FAM149A: variants seen among roughly 807,000 people sequenced by gnomAD.
FAM149A encodes family with sequence similarity 149 member A, also known as protein FAM149A.
FAM149A carries 71 observed loss-of-function variants against 78.2 expected under a neutral mutation model. The ratio of observed to expected loss-of-function variants is 0.91; its 90% CI spans 0.75 to 1.11. The LOEUF is 1.11. Among genes scored for constraint, FAM149A ranks in the 50% least tolerant of loss-of-function variants. FAM149A has a pLI of 0.00. For synonymous variants in FAM149A, 446 were observed against 410.5 expected (o/e 1.09, Z -1.04); for missense variants, 1,036 against 971.0 (o/e 1.07, Z -0.89).
At chr4:186,152,166 G>A in intron 4 of FAM149A, 121 bp downstream of exon 4, 3 of 889,632 alleles carry the variant, frequency 3.4e-6, no homozygotes, top group Non-Finnish European at 5.3e-6. Flanking sequence ...TATGGATGCA[G>A]AGCGCAGTCC....
chr4:186,160,996 T>C, intron 8 of FAM149A: 1 of 447,546 alleles, frequency 2.2e-6, no homozygotes, highest in Non-Finnish European at 3.0e-6. Context: ...TTGTGTAGTG[T>C]CTGGTGTAGA....
In FAM149A at chr4:186,153,638, C is replaced by G; in HGVS notation, c.933-7C>G. The G allele has an allele frequency of 6.2e-7, 1 of 1,608,946 alleles. No individual in the cohort carries two copies. The highest frequency in any genetic ancestry group is 8.5e-7 in the Non-Finnish European group (1 of 1,176,170). Reference sequence around the variant, plus strand: ...AAAATGTCAGTAGCTTCTCTTTGACCTCGCAGAGTATTAGGAAGACAGCTG... The same window carrying G: ...AAAATGTCAGTAGCTTCTCTTTGACGTCGCAGAGTATTAGGAAGACAGCTG... On this transcript the variant is annotated splice_region_variant and splice_polypyrimidine_tract_variant and intron_variant, in intron 4 of 13. Coordinates refer to ENST00000389354, the MANE Select transcript of FAM149A (RefSeq NM_001367768.3).
rs1284197361 is a variant in FAM149A at position 186,173,415 on chromosome 4, C to T, written c.*1428C>T. On this transcript the variant is annotated 3_prime_UTR_variant, in exon 14 of 14. Coordinates refer to ENST00000389354, the MANE Select transcript of FAM149A (RefSeq NM_001367768.3). ...TGGCCCCGGCTGGAGTGCAGTGGCACGATCTCGGCTCACTACAACCTCCAC... is the reference window on the plus strand; with the variant it reads ...TGGCCCCGGCTGGAGTGCAGTGGCATGATCTCGGCTCACTACAACCTCCAC... 9.0e-6 allele frequency among the ~76,000 whole-genome samples: 1 copy of T among 111,060 alleles called. No individual in the cohort carries two copies. Among genetic ancestry groups the T allele is most frequent in the East Asian group, 2.2e-4 (1 of 4,470 alleles). The allele number at this position is 111,060 out of a possible 152,430, so 72.9% of individuals were successfully genotyped here. A position where few individuals can be genotyped will look rare whatever the true frequency, so the allele number is the denominator to read the frequency against.
In FAM149A at chr4:186,133,522, A is replaced by G. The variant is rs988676548; in HGVS notation, c.567-15651A>G. On this transcript the variant is annotated intron_variant, in intron 1 of 13. Coordinates refer to ENST00000389354, the MANE Select transcript of FAM149A (RefSeq NM_001367768.3). ...AGATTTTAAGGTTCATCCATGTTAT[A>G]GCATGAATCAGATTTTCATTCCCTT... is the stretch of plus-strand genomic sequence containing the variant. 6.6e-4 allele frequency among the ~76,000 whole-genome samples: 101 copies of G among 152,376 alleles called. 1 individual carries two copies. The highest frequency in any genetic ancestry group is 2.8e-4 in the Non-Finnish European group (19 of 68,034).
intron 1 of FAM149A, 144 bp from the exon 2 acceptor site, chr4:186,149,029 T>TGC (rs201918202): frequency 7.9e-5 from 25 of 316,824 alleles, no homozygotes; most frequent in South Asian, 1.6e-4. Flanking sequence ...TGTGTGTGTG[T>TGC]GTGCGCTCAT....
At chr4:186,165,919 T>A (rs772939087) in intron 11 of FAM149A, among the ~76,000 whole-genome samples, 2 of 152,200 alleles carry the variant, frequency 1.3e-5, no homozygotes, top group African/African-American at 2.4e-5. Flanking sequence ...CAAAATGAAC[T>A]CATAGGTGTT....
At chr4:186,127,753 T>C (rs2099318974) in intron 1 of FAM149A, 1 of 829,456 alleles carries the variant, frequency 1.2e-6, no homozygotes, top group South Asian at 5.5e-5. Flanking sequence ...TGGCACGATC[T>C]CTGCTCCCTG....
chr4:186,143,171 T>G (rs987422161), intron 1 of FAM149A, among the ~76,000 whole-genome samples: 12 of 137,348 alleles, frequency 8.7e-5, no homozygotes, highest in African/African-American at 3.3e-4. Flanking sequence ...TTTTTTTTTT[T>G]TTTGAGACAA....
At position 186,154,334 on chromosome 4, in the gene FAM149A, A is replaced by G. The variant is rs555047068; in HGVS notation, c.1059-134A>G. On this transcript the variant is annotated intron_variant, in intron 5 of 13. Coordinates refer to ENST00000389354, the MANE Select transcript of FAM149A (RefSeq NM_001367768.3). Reference sequence around the variant, plus strand: ...TTTTTAAGGACGTGAGTTTTGTCCAATGTAATATTCAACCGTTTTGGGAGG... The same window carrying G: ...TTTTTAAGGACGTGAGTTTTGTCCAGTGTAATATTCAACCGTTTTGGGAGG... The G allele has an allele frequency of 1.5e-4, 103 of 673,164 alleles. No individual in the cohort carries two copies. In the African/African-American group the frequency reaches 1.7e-3, roughly 11 times the overall value. 41.7% of individuals were successfully genotyped at this position (673,164 alleles called of 1,614,324 possible). A position where few individuals can be genotyped will look rare whatever the true frequency, so the allele number is the denominator to read the frequency against.
At chr4:186,165,544 C>T in intron 11 of FAM149A, 80 bp downstream of exon 11, 1 of 1,449,990 alleles carries the variant, frequency 6.9e-7, no homozygotes, top group Non-Finnish European at 9.5e-7. Flanking sequence ...TTGGCACTTC[C>T]AAGTGAAATT....
intron 5 of FAM149A, among the ~76,000 whole-genome samples, chr4:186,154,016 T>C (rs559162039): frequency 6.6e-6 from 1 of 152,324 alleles, no homozygotes; most frequent in East Asian, 1.9e-4. Context: ...ACATGGTAGT[T>C]ACCTTCCATG....
intron 1 of FAM149A, chr4:186,123,122 A>C: frequency 1.1e-5 from 7 of 647,700 alleles, no homozygotes; most frequent in Non-Finnish European, 1.3e-5. Context: ...CTCTGCATTC[A>C]AACACTGGTC....
intron 1 of FAM149A, chr4:186,129,938 A>T (rs538493740): frequency 6.6e-6 from 1 of 152,340 alleles, no homozygotes; most frequent in South Asian, 2.1e-4. Context: ...CCAGTTCATG[A>T]AGATTAAAGG....
chr4:186,140,601 G>A (rs1014346521), intron 1 of FAM149A, among the ~76,000 whole-genome samples: 4 of 151,914 alleles, frequency 2.6e-5, no homozygotes, highest in Non-Finnish European at 5.9e-5. Context: ...TAATGAATTC[G>A]CCAAACTAGG....
At chr4:186,120,620 T>C (rs950850008) in intron 1 of FAM149A, among the ~76,000 whole-genome samples, 4 of 151,240 alleles carry the variant, frequency 2.6e-5, no homozygotes, top group African/African-American at 7.3e-5. Context: ...GGTGAAACCC[T>C]GTCTCTACTA....
intron 1 of FAM149A, among the ~76,000 whole-genome samples, chr4:186,138,956 C>G (rs1444140127): frequency 6.6e-6 from 1 of 152,210 alleles, no homozygotes; most frequent in East Asian, 1.9e-4. Flanking sequence ...GAAGGGGAGA[C>G]ACACACCACT....
chr4:186,111,714 G>A (rs1381831852), intron 1 of FAM149A, among the ~76,000 whole-genome samples: 9 of 150,952 alleles, frequency 6.0e-5, no homozygotes, highest in Non-Finnish European at 7.4e-5. Flanking sequence ...GTAGATATGC[G>A]GCATTATTTC....
rs759976353 is a variant in FAM149A, at chr4:186,163,628, A to G, written c.1884A>G (p.Thr628=). The G allele has an allele frequency of 1.2e-6, 2 of 1,612,426 alleles. No homozygotes were observed. The highest frequency in any genetic ancestry group is 2.7e-5 in the African/African-American group (2 of 74,912). Residue 628 remains threonine, a synonymous_variant, in exon 10 of 14, where the codon ACA becomes ACG. Coordinates refer to ENST00000389354, the MANE Select transcript of FAM149A (RefSeq NM_001367768.3). ...ATAGTGACGAAGTTCTTCGGGGAAC[A>G]AAACTGTGAGTCTCATTTCTTTCAT...
At chr4:186,128,493 A>G (rs2099319320) in intron 1 of FAM149A, among the ~76,000 whole-genome samples, 1 of 151,184 alleles carries the variant, frequency 6.6e-6, no homozygotes, top group South Asian at 2.1e-4. Flanking sequence ...AACCAAAAAG[A>G]GCAACGGAAC....
Sources: allele counts gnomAD v4.1 joint callset (sites outside exome capture counted in the v4.1 genomes callset), GRCh38; gene constraint gnomAD v4.1.1; transcripts MANE v1.5; gene names NCBI Gene and HGNC (gene_info 2026-07-23, HGNC 2026-07-21).